Variants in PCP4L1 observed in about 807,000 individuals in gnomAD.
The protein encoded by PCP4L1 is Purkinje cell protein 4-like protein 1.
Under a neutral mutation model 9.6 loss-of-function variants are expected in PCP4L1, and 9 were observed. That is an observed-to-expected ratio of 0.94 (90% CI 0.57 to 1.64). The LOEUF is 1.64. PCP4L1 is among the 40% of genes most tolerant of loss of function. The pLI is 0.00. For missense variants in PCP4L1, 81 were observed against 80.8 expected (o/e 1.00, Z -0.01); for synonymous variants, 31 against 28.2 (o/e 1.10, Z -0.31).
chr1:161,270,569 C>CAAAAAAAAGAAA (rs1553257230), intron 1 of PCP4L1, among the ~76,000 whole-genome samples: 3 of 116,622 alleles, frequency 2.6e-5, no homozygotes, highest in Non-Finnish European at 5.1e-5. Context: ...ACCCCAGGCT[C>CAAAAAAAAGAAA]AAAAAAAAAA....
chr1:161,258,995 G>C lies in PCP4L1; in HGVS notation c.9+12G>C. 6.5e-7 allele frequency: 1 copy of C among 1,531,818 alleles called. No individual in the cohort carries two copies. The highest frequency in any genetic ancestry group is 2.0e-5 in the Admixed American group (1 of 50,848). The allele number at this position is 1,531,818 out of a possible 1,614,324, so 94.9% of individuals were successfully genotyped here. A position where few individuals can be genotyped will look rare whatever the true frequency, so the allele number is the denominator to read the frequency against. On this transcript the variant is annotated intron_variant, in intron 1 of 2. Transcript: ENST00000504449. Reference sequence around the variant, plus strand: ...CGGAGATGAGCGAGGTGAGCGGTGCGGCCCCCGGCGCTGTCGGCAGGGCTG... The same window carrying C: ...CGGAGATGAGCGAGGTGAGCGGTGCCGCCCCCGGCGCTGTCGGCAGGGCTG...
intron 1 of PCP4L1, among the ~76,000 whole-genome samples, chr1:161,275,429 T>C (rs945122983): frequency 4.1e-4 from 59 of 144,476 alleles, no homozygotes; most frequent in Non-Finnish European, 7.0e-4. Context: ...GGCAGGAGAA[T>C]GGCATGAACC....
chr1:161,283,027 ACAGT>A (rs1316372832), intron 1 of PCP4L1, among the ~76,000 whole-genome samples: 1 of 152,248 alleles, frequency 6.6e-6, no homozygotes, highest in African/African-American at 2.4e-5. Flanking sequence ...ACTTGTAGTA[ACAGT>A]CAAACTCCTT....
At position 161,284,582 on chromosome 1, in the gene PCP4L1, G is replaced by T; in HGVS notation, c.*101G>T. On this transcript the variant is annotated 3_prime_UTR_variant, in exon 3 of 3. Transcript: ENST00000504449. ...TCCCTTGTCCCTCTAGCCTTTCCTTGAGGCAAGTTCAACCTTTATATACTC... is the reference window on the plus strand; with the variant it reads ...TCCCTTGTCCCTCTAGCCTTTCCTTTAGGCAAGTTCAACCTTTATATACTC... The T allele has an allele frequency of 6.8e-7, 1 of 1,480,678 alleles. No homozygotes were observed. The highest frequency in any genetic ancestry group is 9.1e-7 in the Non-Finnish European group (1 of 1,101,946). The allele number at this position is 1,480,678 out of a possible 1,614,324, so 91.7% of individuals were successfully genotyped here. A position where few individuals can be genotyped will look rare whatever the true frequency, so the allele number is the denominator to read the frequency against.
intron 1 of PCP4L1, among the ~76,000 whole-genome samples, chr1:161,266,162 C>G (rs144494098): frequency 2.0e-5 from 3 of 152,262 alleles, no homozygotes; most frequent in African/African-American, 4.8e-5. Flanking sequence ...CAGGCTTATT[C>G]CCGAAGCCAT....
At chr1:161,272,633 T>C (rs1431345140) in intron 1 of PCP4L1, among the ~76,000 whole-genome samples, 1 of 151,946 alleles carries the variant, frequency 6.6e-6, no homozygotes, top group Non-Finnish European at 1.5e-5. Flanking sequence ...TTCTTTCGTC[T>C]CTAATGGTAG....
intron 1 of PCP4L1, among the ~76,000 whole-genome samples, chr1:161,262,326 C>T (rs1379837166): frequency 3.4e-5 from 5 of 144,936 alleles, no homozygotes; most frequent in Admixed American, 1.5e-4. Flanking sequence ...CCCAGCTACT[C>T]GGGAGGCTGA....
intron 1 of PCP4L1, among the ~76,000 whole-genome samples, chr1:161,274,458 T>A (rs1669669694): frequency 6.6e-6 from 1 of 152,124 alleles, no homozygotes; most frequent in Non-Finnish European, 1.5e-5. Context: ...CTGTTACAGC[T>A]CTTGCAGTTT....
At chr1:161,275,720 G>C (rs1412924345) in intron 1 of PCP4L1, among the ~76,000 whole-genome samples, 1 of 151,664 alleles carries the variant, frequency 6.6e-6, no homozygotes, top group East Asian at 1.9e-4. Flanking sequence ...TATAGAACTT[G>C]CCTCTTAACC....
At chr1:161,263,854 G>C (rs112017523) in intron 1 of PCP4L1, among the ~76,000 whole-genome samples, 6,409 of 148,552 alleles carry the variant, frequency 0.043, 458 homozygotes, top group African/African-American at 0.15. Context: ...AAAGAGCTGG[G>C]ATTACAGGCA....
chr1:161,284,197 A>G, intron 2 of PCP4L1, 142 bp from the exon 3 acceptor site: 1 of 979,960 alleles, frequency 1.0e-6, no homozygotes, highest in Non-Finnish European at 1.5e-6. Context: ...GGGAATTATC[A>G]GGCATTCATA....
At chr1:161,279,399 G>T (rs1669756772) in intron 1 of PCP4L1, among the ~76,000 whole-genome samples, 1 of 152,206 alleles carries the variant, frequency 6.6e-6, no homozygotes, top group African/African-American at 2.4e-5. Flanking sequence ...TGACATATTT[G>T]TTGAATGAAT....
At chr1:161,261,129 C>G (rs1026403917) in intron 1 of PCP4L1, among the ~76,000 whole-genome samples, 1 of 152,156 alleles carries the variant, frequency 6.6e-6, no homozygotes, top group Non-Finnish European at 1.5e-5. Context: ...GGAAGAGCCC[C>G]GCCCAGGAAA....
chr1:161,260,391 C>T (rs1007022761), intron 1 of PCP4L1, among the ~76,000 whole-genome samples: 4 of 152,160 alleles, frequency 2.6e-5, no homozygotes, highest in Admixed American at 6.5e-5. Flanking sequence ...AAGAAAAAAA[C>T]GCATCAACCT....
chr1:161,274,494 T>C (rs1669670244), intron 1 of PCP4L1, among the ~76,000 whole-genome samples: 1 of 152,140 alleles, frequency 6.6e-6, no homozygotes, highest in South Asian at 2.1e-4. Flanking sequence ...CAGGTATGAG[T>C]TTTTGTGAGA....
rs989834351 is a variant in PCP4L1 at position 161,258,785 on chromosome 1, C to T, written c.-190C>T. 1.1e-6 allele frequency: 1 copy of T among 906,044 alleles called. No homozygotes were observed. Among genetic ancestry groups the T allele is most frequent in the South Asian group, 1.6e-5 (1 of 64,096 alleles). 56.1% of individuals were successfully genotyped at this position (906,044 alleles called of 1,614,324 possible). A position where few individuals can be genotyped will look rare whatever the true frequency, so the allele number is the denominator to read the frequency against. ...GACGGGTCGCAGGGGGTCGCCTGGCCGGAGCTGGGCTCCGAGAATCCCGGG... is the reference window on the plus strand; with the variant it reads ...GACGGGTCGCAGGGGGTCGCCTGGCTGGAGCTGGGCTCCGAGAATCCCGGG... On this transcript the variant is annotated 5_prime_UTR_variant, in exon 1 of 3. Coordinates refer to ENST00000504449, the MANE Select transcript of PCP4L1 (RefSeq NM_001102566.2).
intron 1 of PCP4L1, among the ~76,000 whole-genome samples, chr1:161,277,497 G>A (rs1235574585): frequency 6.6e-6 from 1 of 152,128 alleles, no homozygotes; most frequent in Non-Finnish European, 1.5e-5. Context: ...AGATTTCAGA[G>A]GATTAAATGG....
At chr1:161,265,862 C>G (rs1218205690) in intron 1 of PCP4L1, among the ~76,000 whole-genome samples, 1 of 150,664 alleles carries the variant, frequency 6.6e-6, no homozygotes, top group Non-Finnish European at 1.5e-5. Context: ...CTCAGCCTCC[C>G]AAGTAGCTGG....
intron 1 of PCP4L1, among the ~76,000 whole-genome samples, chr1:161,270,580 A>AAAAAAAAAAAG (rs1669607357): frequency 6.7e-6 from 1 of 149,252 alleles, no homozygotes; most frequent in African/African-American, 2.4e-5. Context: ...AAAAAAAAAA[A>AAAAAAAAAAAG]GAGAGACCCC....
Sources: allele counts gnomAD v4.1 joint callset (sites outside exome capture counted in the v4.1 genomes callset), GRCh38; gene constraint gnomAD v4.1.1; transcripts MANE v1.5; gene names NCBI Gene and HGNC (gene_info 2026-07-23, HGNC 2026-07-21).